Variants in ADAMTS20 observed in about 807,000 individuals in gnomAD.
ADAMTS20 encodes the protein A disintegrin and metalloproteinase with thrombospondin motifs 20.
Under a neutral mutation model 260.1 loss-of-function variants are expected in ADAMTS20, and 225 were observed. The observed-to-expected ratio is 0.87, with a 90% CI of 0.78 to 0.97. The LOEUF (loss-of-function observed/expected upper bound fraction) is 0.97, where lower values mean the gene tolerates loss of function less well. Among genes scored for constraint, ADAMTS20 ranks in the 50% least tolerant of loss-of-function variants. The pLI, the probability that ADAMTS20 is intolerant of heterozygous loss-of-function variation, is 0.00. For synonymous variants in ADAMTS20, 802 were observed against 769.5 expected (o/e 1.04, Z -0.70); for missense variants, 2,400 against 2,337.7 (o/e 1.03, Z -0.55).
intron 3 of ADAMTS20, among the ~76,000 whole-genome samples, chr12:43,530,590 G>A (rs1041409560): frequency 6.6e-6 from 1 of 152,122 alleles, no homozygotes; most frequent in Non-Finnish European, 1.5e-5. Context: ...ACAGTGTTTG[G>A]AACTATAGTT....
At chr12:43,540,720 T>C (rs933270621) in intron 2 of ADAMTS20, among the ~76,000 whole-genome samples, 5 of 152,190 alleles carry the variant, frequency 3.3e-5, no homozygotes, top group African/African-American at 1.2e-4. Flanking sequence ...AGATGGGCCC[T>C]GCAATTTGAT....
intron 12 of ADAMTS20, 125 bp downstream of exon 12, chr12:43,453,782 C>A (rs1254995143): frequency 2.8e-5 from 29 of 1,046,892 alleles, no homozygotes; most frequent in Non-Finnish European, 3.8e-5. Flanking sequence ...TTAAAGTGCT[C>A]CAGAAATTTT....
intron 3 of ADAMTS20, among the ~76,000 whole-genome samples, chr12:43,530,134 T>C (rs1943200438): frequency 6.6e-6 from 1 of 152,184 alleles, no homozygotes; most frequent in Admixed American, 6.6e-5. Context: ...TTGCTTTTTA[T>C]TTGTAGCTTT....
intron 3 of ADAMTS20, among the ~76,000 whole-genome samples, chr12:43,530,582 A>G (rs1295438196): frequency 6.6e-6 from 1 of 151,888 alleles, no homozygotes; most frequent in Admixed American, 6.5e-5. Flanking sequence ...ATGGCATCAC[A>G]GTGTTTGGAA....
intron 38 of ADAMTS20, among the ~76,000 whole-genome samples, chr12:43,355,080 T>G (rs978013875): frequency 2.6e-5 from 4 of 152,146 alleles, no homozygotes; most frequent in African/African-American, 4.8e-5. Flanking sequence ...TTTTTAAATC[T>G]AAGGGAGTAA....
chr12:43,521,112 G>A (rs1943065990), intron 3 of ADAMTS20, among the ~76,000 whole-genome samples: 2 of 152,152 alleles, frequency 1.3e-5, no homozygotes, highest in African/African-American at 4.8e-5. Flanking sequence ...AGGTTAAAAA[G>A]TTAATAAGTT....
chr12:43,474,997 A>G (rs916918757), intron 7 of ADAMTS20, among the ~76,000 whole-genome samples: 16 of 126,780 alleles, frequency 1.3e-4, no homozygotes, highest in African/African-American at 4.6e-4. Flanking sequence ...CAGGGCAATC[A>G]GGCAGGAGAA....
chr12:43,440,205 A>G, intron 16 of ADAMTS20, 136 bp from the exon 17 acceptor site: 3 of 652,350 alleles, frequency 4.6e-6, no homozygotes, highest in Non-Finnish European at 7.5e-6. Flanking sequence ...GTACAGTGGC[A>G]CAATATTGGC....
At position 43,354,196 on chromosome 12, in the gene ADAMTS20, C is replaced by G. The variant is rs1443376715; in HGVS notation, c.*13G>C. 7.8e-6 allele frequency: 12 copies of G among 1,548,062 alleles called. No individual in the cohort carries two copies. The highest frequency in any genetic ancestry group is 1.1e-5 in the Non-Finnish European group (12 of 1,136,524). The stretch of plus-strand genomic sequence containing the variant: ...TATCCCCTCTTTAGGGCATACTTCC[C>G]CCTTCTAAATGTTCATATGACTTGA... On this transcript the variant is annotated 3_prime_UTR_variant, in exon 39 of 39. Coordinates refer to ENST00000389420, the MANE Select transcript of ADAMTS20 (RefSeq NM_025003.5).
intron 11 of ADAMTS20, among the ~76,000 whole-genome samples, chr12:43,462,424 G>A (rs1317396903): frequency 6.6e-6 from 1 of 152,156 alleles, no homozygotes; most frequent in Non-Finnish European, 1.5e-5. Context: ...GACCTAGCAT[G>A]GTAGGTGGTT....
At chr12:43,446,738 T>C in intron 14 of ADAMTS20, 26 bp from the exon 15 acceptor site, 1 of 1,550,990 alleles carries the variant, frequency 6.4e-7, no homozygotes, top group Non-Finnish European at 8.9e-7. Context: ...ACAATCAATA[T>C]TATAAGAATG....
chr12:43,507,462 C>A (rs1367296787), intron 3 of ADAMTS20, among the ~76,000 whole-genome samples: 1 of 152,174 alleles, frequency 6.6e-6, no homozygotes, highest in Non-Finnish European at 1.5e-5. Context: ...TCCCTCTTGT[C>A]AAGTAATTTA....
In ADAMTS20 at chr12:43,383,574, G is replaced by A. The variant is rs1272082052; in HGVS notation, c.4781C>T (p.Thr1594Ile). The A allele has an allele frequency of 6.2e-7, 1 of 1,612,392 alleles. No individual in the cohort carries two copies. Among genetic ancestry groups the A allele is most frequent in the Non-Finnish European group, 8.5e-7 (1 of 1,179,160 alleles). Reference sequence around the variant, plus strand: ...TTACCTTACCTGTGATGAGTCTGCTGTTACCACAATGTAATTGCAAGGAGG... The same window carrying A: ...TTACCTTACCTGTGATGAGTCTGCTATTACCACAATGTAATTGCAAGGAGG... ...RNPPCNYIVV[T>I]ADSSQCANNC... Residue 1594 changes from threonine to isoleucine, a missense_variant, in exon 31 of 39, where the codon ACA becomes ATA. By Grantham distance (89) the Thr-to-Ile change is moderately conservative. Transcript: ENST00000389420.
At chr12:43,463,252 G>A (rs575695073) in intron 10 of ADAMTS20, among the ~76,000 whole-genome samples, 45 of 152,072 alleles carry the variant, frequency 3.0e-4, no homozygotes, top group African/African-American at 1.0e-3. Context: ...GAATTGGAGT[G>A]GAAATTTTCA....
At chr12:43,472,122 A>C (rs1380174021) in intron 7 of ADAMTS20, among the ~76,000 whole-genome samples, 1 of 147,526 alleles carries the variant, frequency 6.8e-6, no homozygotes, top group East Asian at 2.1e-4. Context: ...TAGAATAACC[A>C]ATACAGAGAA....
chr12:43,471,036 G>C (rs559698869), intron 7 of ADAMTS20, among the ~76,000 whole-genome samples: 1 of 152,152 alleles, frequency 6.6e-6, no homozygotes, highest in African/African-American at 2.4e-5. Flanking sequence ...CGTGAGCGAC[G>C]CAGAAGACGG....
chr12:43,477,235 G>C (rs1449314275), intron 7 of ADAMTS20, among the ~76,000 whole-genome samples: 1 of 151,870 alleles, frequency 6.6e-6, no homozygotes, highest in Admixed American at 6.6e-5. Flanking sequence ...ATTTCTATAG[G>C]AATAGTCCAG....
chr12:43,445,181 G>C (rs912439591), intron 15 of ADAMTS20, among the ~76,000 whole-genome samples: 5 of 152,090 alleles, frequency 3.3e-5, no homozygotes, highest in Non-Finnish European at 7.4e-5. Flanking sequence ...TTGCAAATGA[G>C]TTTAACGCAT....
At chr12:43,457,874 C>T (rs1941993541) in intron 11 of ADAMTS20, among the ~76,000 whole-genome samples, 1 of 152,204 alleles carries the variant, frequency 6.6e-6, no homozygotes, top group South Asian at 2.1e-4. Flanking sequence ...TAAGTCAAAT[C>T]AGGTATGAAT....
Sources: gnomAD v4.1 joint callset for allele counts (sites outside exome capture counted in the v4.1 genomes callset) on GRCh38, gnomAD v4.1.1 for gene constraint, MANE v1.5 for transcripts, NCBI Gene and HGNC (gene_info 2026-07-23, HGNC 2026-07-21) for gene names.